Variants in RASGRF2 observed in about 807,000 individuals in gnomAD.
RASGRF2 encodes ras-specific guanine nucleotide-releasing factor 2.
A neutral mutation model predicts 151.0 loss-of-function variants in RASGRF2; 76 were observed. The ratio of observed to expected loss-of-function variants is 0.50; its 90% CI spans 0.42 to 0.61. RASGRF2 has a LOEUF of 0.61. Among genes scored for constraint, RASGRF2 ranks in the 20% least tolerant of loss-of-function variants. RASGRF2 has a pLI of 0.00. For synonymous variants in RASGRF2, 504 were observed against 566.5 expected, an observed-to-expected ratio of 0.89 and a Z score of 1.57; for missense variants, 1,148 against 1,564.6, an observed-to-expected ratio of 0.73 and a Z score of 4.49.
intron 1 of RASGRF2, among the ~76,000 whole-genome samples, chr5:80,973,049 T>C (rs914495068): frequency 2.0e-5 from 3 of 152,228 alleles, no homozygotes; most frequent in Non-Finnish European, 2.9e-5. Flanking sequence ...TTCTAAACTT[T>C]ATGTAGTATA....
intron 1 of RASGRF2, among the ~76,000 whole-genome samples, chr5:80,984,708 T>C (rs1748422444): frequency 6.6e-6 from 1 of 152,210 alleles, no homozygotes; most frequent in African/African-American, 2.4e-5. Context: ...TGCCAAGGTG[T>C]GTGTATAATA....
chr5:81,214,602 C>T (rs1485551375), intron 23 of RASGRF2, among the ~76,000 whole-genome samples: 6 of 152,218 alleles, frequency 3.9e-5, no homozygotes, highest in Non-Finnish European at 8.8e-5. Flanking sequence ...TAAGAGCCCT[C>T]AGACACCAGA....
At chr5:81,133,006 G>A (rs369641632) in intron 17 of RASGRF2, among the ~76,000 whole-genome samples, 8 of 152,150 alleles carry the variant, frequency 5.3e-5, no homozygotes, top group Admixed American at 1.3e-4. Context: ...TCTTGGAATC[G>A]CAACAGCTAC....
rs1425467666 is a variant in RASGRF2, at chr5:81,229,657, TG to T, written c.*3889del. 1 of 152,254 alleles carries T rather than the reference TG, an allele frequency of 6.6e-6. No individual in the cohort carries two copies. Among genetic ancestry groups the T allele is most frequent in the Non-Finnish European group, 1.5e-5 (1 of 68,038 alleles). The allele number at this position is 152,254 out of a possible 1,614,324, so 9.4% of individuals were successfully genotyped here. ...ATAGTTCTATTATACTTAATGATGT[TG>T]GTTTTTACACAGCTCATTTCATTTT... On this transcript the variant is annotated 3_prime_UTR_variant, in exon 27 of 27. Coordinates refer to ENST00000265080, the MANE Select transcript of RASGRF2 (RefSeq NM_006909.3).
At chr5:81,223,606 A>T (rs568639470) in intron 26 of RASGRF2, 1 of 151,828 alleles carries the variant, frequency 6.6e-6, no homozygotes, top group South Asian at 2.1e-4. Flanking sequence ...GCGCCACTGC[A>T]CTCCAGCCTG....
chr5:81,217,782 G>A (rs1413404283), intron 25 of RASGRF2, among the ~76,000 whole-genome samples: 9 of 150,422 alleles, frequency 6.0e-5, no homozygotes, highest in African/African-American at 2.2e-4. Flanking sequence ...TCGCTCTGTG[G>A]CCCAGGCTGG....
At chr5:81,074,066 G>C (rs74979440) in intron 5 of RASGRF2, among the ~76,000 whole-genome samples, 1 of 152,168 alleles carries the variant, frequency 6.6e-6, no homozygotes, top group Admixed American at 6.5e-5. Flanking sequence ...AGTGATTATG[G>C]GTTTTTACAT....
chr5:81,085,492 A>G (rs983407089), intron 7 of RASGRF2, among the ~76,000 whole-genome samples: 2 of 152,188 alleles, frequency 1.3e-5, no homozygotes. Context: ...CCTCTGAACC[A>G]GTTTTCAAAA....
intron 5 of RASGRF2, among the ~76,000 whole-genome samples, chr5:81,078,342 TTCTA>T (rs570453789): frequency 4.1e-4 from 63 of 152,334 alleles, no homozygotes; most frequent in Admixed American, 1.7e-3. Flanking sequence ...AAGTTATTCC[TTCTA>T]TCTAACTGTA....
chr5:81,087,261 G>T (rs779915922), intron 9 of RASGRF2: 2 of 703,062 alleles, frequency 2.8e-6, no homozygotes, highest in South Asian at 3.0e-5. Context: ...CCTGGCCCAC[G>T]GCCGTGGCAG....
chr5:81,085,007 C>G (rs565696776), intron 7 of RASGRF2, among the ~76,000 whole-genome samples: 8 of 152,328 alleles, frequency 5.3e-5, no homozygotes, highest in South Asian at 2.1e-4. Context: ...TTTTAGTTCT[C>G]TATCTATAAA....
chr5:81,065,439 G>A (rs1751573202), intron 2 of RASGRF2, among the ~76,000 whole-genome samples: 2 of 152,138 alleles, frequency 1.3e-5, no homozygotes, highest in African/African-American at 4.8e-5. Context: ...TCAGAGTCCA[G>A]CTCCTTCATT....
At chr5:80,973,391 T>C (rs1373169807) in intron 1 of RASGRF2, among the ~76,000 whole-genome samples, 1 of 152,202 alleles carries the variant, frequency 6.6e-6, no homozygotes, top group Non-Finnish European at 1.5e-5. Flanking sequence ...GGGTGCTGGG[T>C]TGTTGCTCTT....
intron 1 of RASGRF2, among the ~76,000 whole-genome samples, chr5:81,034,804 T>TGGGGGGGGGGGGGG (rs3991135): frequency 1.1e-5 from 1 of 89,312 alleles, no homozygotes; most frequent in Admixed American, 1.2e-4. Flanking sequence ...TGTTGTGGGG[T>TGGGGGGGGGGGGGG]GGGAGGGGGG....
At chr5:81,189,104 C>T (rs2112690870) in intron 18 of RASGRF2, among the ~76,000 whole-genome samples, 1 of 152,202 alleles carries the variant, frequency 6.6e-6, no homozygotes, top group East Asian at 1.9e-4. Context: ...TGCTGACAAC[C>T]ACTGCACCTC....
chr5:81,017,015 T>C (rs1400369643), intron 1 of RASGRF2, among the ~76,000 whole-genome samples: 1 of 152,314 alleles, frequency 6.6e-6, no homozygotes, highest in African/African-American at 2.4e-5. Context: ...TGTTTTTGTA[T>C]GTGCTGGTTG....
At chr5:81,123,451 G>A (rs1753365967) in intron 15 of RASGRF2, among the ~76,000 whole-genome samples, 191 bp from the exon 16 acceptor site, 1 of 152,094 alleles carries the variant, frequency 6.6e-6, no homozygotes, top group Non-Finnish European at 1.5e-5. Context: ...GGCCCAACAG[G>A]GTCATCAAGA....
chr5:81,225,545 A>G lies in RASGRF2; in HGVS notation c.3622-133A>G, dbSNP rs1755954195. 3 of 1,255,874 alleles carry G rather than the reference A, an allele frequency of 2.4e-6. No homozygotes were observed. The South Asian group carries it at 4.7e-5, about 20-fold the overall frequency. The allele number at this position is 1,255,874 out of a possible 1,614,324, so 77.8% of individuals were successfully genotyped here. A position where few individuals can be genotyped will look rare whatever the true frequency, so the allele number is the denominator to read the frequency against. The stretch of plus-strand genomic sequence containing the variant: ...TTTTTTTTTTTAACAATGGAAACAT[A>G]TTTATGATTTTTTGGTCAAATAAGA... On this transcript the variant is annotated intron_variant, in intron 26 of 26. Coordinates refer to ENST00000265080, the MANE Select transcript of RASGRF2 (RefSeq NM_006909.3).
intron 11 of RASGRF2, 112 bp downstream of exon 11, chr5:81,094,474 A>G: frequency 4.0e-6 from 4 of 1,005,428 alleles, no homozygotes; most frequent in Middle Eastern, 3.2e-4. Flanking sequence ...CATTTAGCCC[A>G]TGAGCCTTGT....
Sources: gnomAD v4.1 joint callset for allele counts (sites outside exome capture counted in the v4.1 genomes callset) on GRCh38, gnomAD v4.1.1 for gene constraint, MANE v1.5 for transcripts, NCBI Gene and HGNC (gene_info 2026-07-23, HGNC 2026-07-21) for gene names.